The following ESRRG variants were observed in gnomAD, a reference collection of about 807,000 sequenced individuals.
ESRRG encodes estrogen related receptor gamma.
ESRRG carries 13 observed loss-of-function variants against 44.0 expected under a neutral mutation model. That is an observed-to-expected ratio of 0.30 (90% CI 0.19 to 0.47). The LOEUF is 0.47. Ranked by LOEUF, ESRRG falls within the 20% of genes least tolerant of loss-of-function variation. The probability of loss-of-function intolerance (pLI) is 1.00; values close to 1 mark genes in which losing one functional copy is unlikely to be tolerated. For missense variants in ESRRG, 395 were observed against 580.6 expected (o/e 0.68, Z 3.29); for synonymous variants, 215 against 214.6 (o/e 1.00, Z -0.02).
chr1:216,655,934 G>C (rs1164157666), intron 2 of ESRRG, among the ~76,000 whole-genome samples: 1 of 152,066 alleles, frequency 6.6e-6, no homozygotes, highest in Non-Finnish European at 1.5e-5. Context: ...AATAAAGAAA[G>C]CATTTTATCC....
chr1:216,759,802 A>G (rs1425494056), intron 2 of ESRRG, among the ~76,000 whole-genome samples: 1 of 152,082 alleles, frequency 6.6e-6, no homozygotes, highest in East Asian at 1.9e-4. Context: ...CCTCATTCAT[A>G]TCTCTCTGCT....
intron 1 of ESRRG, among the ~76,000 whole-genome samples, chr1:217,055,084 T>C (rs369899931): frequency 1.3e-4 from 20 of 152,200 alleles, no homozygotes; most frequent in African/African-American, 4.1e-4. Flanking sequence ...ACATTGCTGG[T>C]AACAGTTAGG....
chr1:216,862,544 A>G (rs2096070746), intron 2 of ESRRG: 1 of 152,158 alleles, frequency 6.6e-6, no homozygotes, highest in Non-Finnish European at 1.5e-5. Flanking sequence ...ATACAATTTG[A>G]TGGTACCTCA....
intron 2 of ESRRG, among the ~76,000 whole-genome samples, chr1:216,922,057 A>T (rs1578180266): frequency 6.6e-6 from 1 of 152,262 alleles, no homozygotes; most frequent in East Asian, 1.9e-4. Context: ...ACCACCAGGA[A>T]CTAACTGGAA....
intron 2 of ESRRG, among the ~76,000 whole-genome samples, chr1:216,857,856 C>T (rs888554824): frequency 6.6e-6 from 1 of 151,976 alleles, no homozygotes; most frequent in African/African-American, 2.4e-5. Flanking sequence ...AACATACCCA[C>T]ATAAAAGTTC....
At chr1:216,517,828 GAAGAA>G (rs2044805949) in intron 6 of ESRRG, among the ~76,000 whole-genome samples, 1 of 152,084 alleles carries the variant, frequency 6.6e-6, no homozygotes, top group Non-Finnish European at 1.5e-5. Context: ...CAGGAGCGTA[GAAGAA>G]GAGAGGTGCA....
intron 5 of ESRRG, among the ~76,000 whole-genome samples, chr1:216,542,176 A>G (rs1219957819): frequency 6.6e-6 from 1 of 151,712 alleles, no homozygotes; most frequent in Non-Finnish European, 1.5e-5. Flanking sequence ...CATCTGGTTT[A>G]TAAAGGGCAT....
intron 1 of ESRRG, among the ~76,000 whole-genome samples, chr1:216,983,517 G>GGTGATTTTTTTGGTGATTTTT (rs2074339310): frequency 6.6e-6 from 1 of 152,080 alleles, no homozygotes; most frequent in African/African-American, 2.4e-5. Context: ...CAAACGTGAT[G>GGTGATTTTTTTGGTGATTTTT]TACTGATTTT....
chr1:216,563,037 T>C (rs754525912), intron 5 of ESRRG, among the ~76,000 whole-genome samples: 1 of 152,226 alleles, frequency 6.6e-6, no homozygotes, highest in Non-Finnish European at 1.5e-5. Flanking sequence ...TCTTCTTTTA[T>C]ATGTAGTAAT....
rs1435738628 is a variant in ESRRG, at chr1:216,672,736, T to C, written c.472+4340A>G. ...GTGAAAAATTAGGTAGGCATGGTAG[T>C]GCATGCCTGTTTTCCAGCTACTTGG... On this transcript the variant is annotated intron_variant, in intron 2 of 6. Coordinates refer to ENST00000408911, the MANE Select transcript of ESRRG (RefSeq NM_001438.4). 2.0e-5 allele frequency among the ~76,000 whole-genome samples: 3 copies of C among 152,114 alleles called. No individual in the cohort carries two copies. In the East Asian group the frequency reaches 5.8e-4, roughly 30 times the overall value.
intron 3 of ESRRG, among the ~76,000 whole-genome samples, chr1:216,620,951 G>C (rs1490522637): frequency 1.3e-5 from 2 of 152,140 alleles, no homozygotes; most frequent in African/African-American, 4.8e-5. Context: ...GCTATCCCTT[G>C]AGATAATATC....
chr1:216,970,021 A>G (rs1293918522), intron 1 of ESRRG, among the ~76,000 whole-genome samples: 2 of 152,168 alleles, frequency 1.3e-5, no homozygotes, highest in African/African-American at 4.8e-5. Context: ...ACATGAAAGA[A>G]TCATCACCTT....
chr1:216,803,902 T>C (rs908084437), intron 2 of ESRRG, among the ~76,000 whole-genome samples: 10 of 152,026 alleles, frequency 6.6e-5, no homozygotes, highest in Admixed American at 3.3e-4. Flanking sequence ...TTTTGTTGAG[T>C]AGATAATAGG....
chr1:216,632,831 A>G (rs940374833), intron 3 of ESRRG, among the ~76,000 whole-genome samples: 5 of 152,228 alleles, frequency 3.3e-5, no homozygotes, highest in African/African-American at 9.6e-5. Flanking sequence ...ATTGAGAATC[A>G]GCAATAAATT....
At chr1:216,678,444 T>C (rs2076481818) in intron 1 of ESRRG, among the ~76,000 whole-genome samples, 1 of 152,194 alleles carries the variant, frequency 6.6e-6, no homozygotes, top group African/African-American at 2.4e-5. Flanking sequence ...TATTTTGTCC[T>C]AAAAAATATA....
In ESRRG at chr1:217,084,133, T is replaced by A. The variant is rs1250647111; in HGVS notation, c.-106+5374A>T. Among the ~76,000 whole-genome samples the A allele has an allele frequency of 1.5e-3, 218 of 141,024 alleles. 1 individual carries two copies. Among genetic ancestry groups the A allele is most frequent in the Non-Finnish European group, 2.8e-3 (181 of 65,552 alleles). The allele number at this position is 141,024 out of a possible 152,430, so 92.5% of individuals were successfully genotyped here. Reference sequence around the variant, plus strand: ...AAAGAAGAAAAATGGAAGAATGGATTAAAAAAAAAAAAAACGAGAAACAGG... The same window carrying A: ...AAAGAAGAAAAATGGAAGAATGGATAAAAAAAAAAAAAAACGAGAAACAGG... On this transcript the variant is annotated intron_variant, in intron 1 of 7. Transcript: ENST00000359162.
intron 5 of ESRRG, among the ~76,000 whole-genome samples, chr1:216,532,722 T>C (rs1464497291): frequency 6.6e-6 from 1 of 152,152 alleles, no homozygotes; most frequent in African/African-American, 2.4e-5. Flanking sequence ...CACATAATCC[T>C]TTCCAAATTT....
At chr1:216,812,096 T>C (rs1010011002) in intron 2 of ESRRG, among the ~76,000 whole-genome samples, 1 of 152,164 alleles carries the variant, frequency 6.6e-6, no homozygotes, top group African/African-American at 2.4e-5. Flanking sequence ...AGACTGTCCT[T>C]AGAAAGGTAG....
At chr1:216,820,972 G>C (rs1358391030) in intron 2 of ESRRG, among the ~76,000 whole-genome samples, 1 of 152,012 alleles carries the variant, frequency 6.6e-6, no homozygotes, top group Non-Finnish European at 1.5e-5. Context: ...ATATTTTATT[G>C]GACTTTTTGA....
Sources: allele counts gnomAD v4.1 joint callset (sites outside exome capture counted in the v4.1 genomes callset), GRCh38; gene constraint gnomAD v4.1.1; transcripts MANE v1.5; gene names NCBI Gene and HGNC (gene_info 2026-07-23, HGNC 2026-07-21).